LOXL2: variants seen among roughly 807,000 people sequenced by gnomAD.
LOXL2 encodes lysyl oxidase homolog 2.
Under a neutral mutation model 93.0 loss-of-function variants are expected in LOXL2, and 70 were observed. The ratio of observed to expected loss-of-function variants is 0.75; its 90% CI spans 0.62 to 0.92. The LOEUF is 0.92. Among genes scored for constraint, LOXL2 ranks in the 40% least tolerant of loss-of-function variants. The pLI is 0.00. For missense variants in LOXL2, 973 were observed against 1,054.9 expected, an observed-to-expected ratio of 0.92 and a Z score of 1.08; for synonymous variants, 438 against 413.2, an observed-to-expected ratio of 1.06 and a Z score of -0.73.
At chr8:23,325,643 A>G (rs1803566181) in intron 6 of LOXL2, among the ~76,000 whole-genome samples, 1 of 152,182 alleles carries the variant, frequency 6.6e-6, no homozygotes, top group African/African-American at 2.4e-5. Flanking sequence ...TATTTGTTCT[A>G]CTGATCCTAC....
At chr8:23,352,930 C>A (rs543464909) in intron 3 of LOXL2, among the ~76,000 whole-genome samples, 1 of 148,010 alleles carries the variant, frequency 6.8e-6, no homozygotes, top group African/African-American at 2.5e-5. Context: ...GGGGATTTTC[C>A]AATCAGTTCC....
chr8:23,335,002 G>A (rs1341259626), intron 4 of LOXL2, among the ~76,000 whole-genome samples: 2 of 152,094 alleles, frequency 1.3e-5, no homozygotes, highest in East Asian at 3.9e-4. Context: ...TTTTAGTAGA[G>A]ACAGTGTTTC....
chr8:23,346,190 TAA>T (rs1237280047), intron 3 of LOXL2, among the ~76,000 whole-genome samples: 105 of 108,906 alleles, frequency 9.6e-4, no homozygotes, highest in East Asian at 1.2e-3. Flanking sequence ...AATAATAAAA[TAA>T]AATAAAATAA....
chr8:23,303,811 C>T (rs545486701), intron 10 of LOXL2, among the ~76,000 whole-genome samples: 5 of 152,316 alleles, frequency 3.3e-5, no homozygotes, highest in African/African-American at 9.6e-5. Context: ...TAAAAAACTC[C>T]GCATTTTGAC....
intron 6 of LOXL2, among the ~76,000 whole-genome samples, chr8:23,322,971 A>G (rs1395146325): frequency 6.6e-6 from 1 of 152,226 alleles, no homozygotes; most frequent in Non-Finnish European, 1.5e-5. Flanking sequence ...TGAAGGTCAC[A>G]ACAGGTGCTC....
chr8:23,391,587 C>T (rs12681931), intron 1 of LOXL2, among the ~76,000 whole-genome samples: 49,325 of 152,028 alleles, frequency 0.32, 8,324 homozygotes, highest in East Asian at 0.58. Context: ...ATGGCCAAAT[C>T]GGTCTGAGTT....
At chr8:23,305,186 C>G (rs1803210243) in intron 10 of LOXL2, among the ~76,000 whole-genome samples, 1 of 152,184 alleles carries the variant, frequency 6.6e-6, no homozygotes, top group Non-Finnish European at 1.5e-5. Context: ...GCTTATGTGA[C>G]CATGTTTACC....
chr8:23,298,639 A>G (rs191863043), intron 13 of LOXL2, among the ~76,000 whole-genome samples, 197 bp downstream of exon 13: 1 of 152,086 alleles, frequency 6.6e-6, no homozygotes, highest in Admixed American at 6.5e-5. Flanking sequence ...ACCATCCTCT[A>G]TCCGTGGCCG....
intron 10 of LOXL2, 118 bp downstream of exon 10, chr8:23,309,550 A>G: frequency 8.4e-7 from 1 of 1,194,274 alleles, no homozygotes; most frequent in Non-Finnish European, 1.1e-6. Context: ...GGAGGATCCT[A>G]TCCCCAGGCC....
chr8:23,346,158 A>AAAAAT (rs1322933532), intron 3 of LOXL2, among the ~76,000 whole-genome samples: 1 of 138,098 alleles, frequency 7.2e-6, no homozygotes, highest in Non-Finnish European at 1.5e-5. Context: ...AAATAAAATA[A>AAAAAT]AAAATAAAAT....
chr8:23,398,660 T>G (rs1800123558), intron 1 of LOXL2, among the ~76,000 whole-genome samples: 1 of 152,184 alleles, frequency 6.6e-6, no homozygotes, highest in South Asian at 2.1e-4. Context: ...GCATCCTTTA[T>G]CATCATCAAC....
intron 10 of LOXL2, among the ~76,000 whole-genome samples, chr8:23,303,747 G>A (rs559651165): frequency 7.2e-5 from 11 of 152,316 alleles, no homozygotes; most frequent in East Asian, 1.9e-4. Context: ...TTTAATAAGC[G>A]TGCAACTGGC....
chr8:23,325,761 C>A (rs1803567489), intron 6 of LOXL2, among the ~76,000 whole-genome samples: 1 of 152,194 alleles, frequency 6.6e-6, no homozygotes, highest in Non-Finnish European at 1.5e-5. Flanking sequence ...CACAGGTGCT[C>A]CCCTCATGTG....
chr8:23,333,028 G>A (rs987007667), intron 5 of LOXL2, among the ~76,000 whole-genome samples: 3 of 152,016 alleles, frequency 2.0e-5, no homozygotes, highest in Admixed American at 1.3e-4. Context: ...CCTTTCTGTT[G>A]CAAAATAAAC....
chr8:23,309,528 G>GC (rs1803287949), intron 10 of LOXL2, 140 bp downstream of exon 10: 1 of 1,025,810 alleles, frequency 9.7e-7, no homozygotes, highest in Non-Finnish European at 1.3e-6. Context: ...GCAGATGCAA[G>GC]CCCCCCACTT....
At chr8:23,358,847 T>TA (rs1327246715) in intron 3 of LOXL2, among the ~76,000 whole-genome samples, 1 of 148,010 alleles carries the variant, frequency 6.8e-6, no homozygotes, top group African/African-American at 2.5e-5. Flanking sequence ...GTACCTGCAT[T>TA]TTTTTTTTTT....
In LOXL2 at chr8:23,313,336, C is replaced by T. The variant is rs534388008; in HGVS notation, c.1637-3425G>A. Among the ~76,000 whole-genome samples, 214 of 152,174 alleles carry T rather than the reference C, an allele frequency of 1.4e-3. 3 individuals are homozygous for T. The highest frequency in any genetic ancestry group is 0.013 in the Admixed American group (196 of 15,286). On this transcript the variant is annotated intron_variant, in intron 9 of 13. Transcript: ENST00000389131. ...GGAGCCAAAAAAGAGCCCGCATCACCAAGTCAATCGTAAGCCAAAAGAACA... is the reference window on the plus strand; with the variant it reads ...GGAGCCAAAAAAGAGCCCGCATCACTAAGTCAATCGTAAGCCAAAAGAACA...
chr8:23,317,039 GCTCCGTTCCCGAGCACTTCA>G lies in LOXL2; in HGVS notation c.1526_1545del (p.Val509AlafsTer34). On this transcript the variant is annotated frameshift_variant, in exon 9 of 14. Transcript: ENST00000389131. LOFTEE classifies it high-confidence loss of function. ...TCGTGGCGGCAGTGCGCCAGGGACA[GCTCCGTTCCCGAGCACTTCA>G]CTCCACTCATGACCACTTTGTTGCT... 1 of 1,614,196 alleles carries G rather than the reference GCTCCGTTCCCGAGCACTTCA, an allele frequency of 6.2e-7. No individual in the cohort carries two copies.
At chr8:23,368,590 G>A (rs1047165091) in intron 1 of LOXL2, among the ~76,000 whole-genome samples, 156 bp from the exon 2 acceptor site, 4 of 152,228 alleles carry the variant, frequency 2.6e-5, no homozygotes, top group African/African-American at 9.7e-5. Flanking sequence ...ATGCAGGGCT[G>A]GGAGGTCCCA....
Sources: gnomAD v4.1 joint callset for allele counts (sites outside exome capture counted in the v4.1 genomes callset) on GRCh38, gnomAD v4.1.1 for gene constraint, MANE v1.5 for transcripts, NCBI Gene and HGNC (gene_info 2026-07-23, HGNC 2026-07-21) for gene names.